Variants in FERMT2 observed in about 807,000 individuals in gnomAD.
The protein encoded by FERMT2 is fermitin family homolog 2.
A neutral mutation model predicts 82.7 loss-of-function variants in FERMT2; 15 were observed. That is an observed-to-expected ratio of 0.18 (90% confidence interval 0.12 to 0.28). The LOEUF (loss-of-function observed/expected upper bound fraction) is 0.28, where lower values mean the gene tolerates loss of function less well. FERMT2 is among the 10% of genes least tolerant of loss of function. The probability of loss-of-function intolerance (pLI) is 1.00; values close to 1 mark genes in which losing one functional copy is unlikely to be tolerated. For synonymous variants in FERMT2, 274 were observed against 271.5 expected (o/e 1.01, Z -0.09); for missense variants, 645 against 809.4 (o/e 0.80, Z 2.46).
rs779050016 is a variant in FERMT2, at chr14:52,858,427, C to T, written c.1993G>A (p.Glu665Lys). Reference sequence around the variant, plus strand: ...TAGAACATCTCTTCATCTAAACTCTCGTTTTGGTCTTTTGCACGTGTTGAG... The same window carrying T: ...TAGAACATCTCTTCATCTAAACTCTTGTTTTGGTCTTTTGCACGTGTTGAG... The part of the protein sequence containing the change: ...FLSTRAKDQN[E>K]SLDEEMFYKL... The change falls in exon 15 of 15, where the codon GAG becomes AAG. Residue 665 changes from glutamate (E) to lysine (K), a missense_variant. Transcript: ENST00000341590. 13 of 1,614,136 alleles carry T rather than the reference C, an allele frequency of 8.1e-6. No homozygotes were observed. The highest frequency in any genetic ancestry group is 2.2e-5 in the South Asian group (2 of 91,072).
intron 4 of FERMT2, among the ~76,000 whole-genome samples, chr14:52,887,701 T>C (rs373578936): frequency 1.3e-5 from 2 of 152,074 alleles, no homozygotes; most frequent in East Asian, 3.9e-4. Flanking sequence ...GTTAGAAGCA[T>C]GAGCACCGGA....
intron 2 of FERMT2, among the ~76,000 whole-genome samples, chr14:52,931,901 C>CGCCT (rs1332206209): frequency 1.3e-5 from 2 of 152,198 alleles, no homozygotes; most frequent in East Asian, 3.9e-4. Flanking sequence ...TGGTAGCACA[C>CGCCT]GCCTGTAGTC....
At chr14:52,893,021 G>A (rs890833945) in intron 4 of FERMT2, among the ~76,000 whole-genome samples, 11 of 151,982 alleles carry the variant, frequency 7.2e-5, no homozygotes, top group African/African-American at 2.2e-4. Context: ...TTTTTGAGAC[G>A]GAGTCTCACT....
intron 10 of FERMT2, among the ~76,000 whole-genome samples, chr14:52,865,578 A>G (rs1594927973): frequency 6.6e-6 from 1 of 152,182 alleles, no homozygotes; most frequent in East Asian, 1.9e-4. Context: ...ATTTAAGGAT[A>G]AATAAGATAA....
intron 3 of FERMT2, among the ~76,000 whole-genome samples, chr14:52,911,616 A>G (rs1182758684): frequency 6.6e-6 from 1 of 151,826 alleles, no homozygotes; most frequent in African/African-American, 2.4e-5. Flanking sequence ...GCGCCACTGC[A>G]GTCCAACCTG....
In FERMT2 at chr14:52,885,134, G is replaced by A. The variant is rs150900101; in HGVS notation, c.527-3665C>T. On this transcript the variant is annotated intron_variant, in intron 4 of 14. Transcript: ENST00000341590. Reference sequence around the variant, plus strand: ...TTGAGACCAGCCTAGCCAACATGGTGAAACCCCGTCTCTACTAAAAATACA... The same window carrying A: ...TTGAGACCAGCCTAGCCAACATGGTAAAACCCCGTCTCTACTAAAAATACA... Among the ~76,000 whole-genome samples the A allele has an allele frequency of 1.6e-3, 246 of 151,946 alleles. 1 individual carries two copies. Among genetic ancestry groups the A allele is most frequent in the Middle Eastern group, 3.4e-3 (1 of 292 alleles).
intron 3 of FERMT2, among the ~76,000 whole-genome samples, chr14:52,918,167 G>A (rs995664017): frequency 6.6e-6 from 1 of 152,176 alleles, no homozygotes; most frequent in Admixed American, 6.5e-5. Flanking sequence ...GTAATTGGAT[G>A]TAAATTAATA....
intron 3 of FERMT2, among the ~76,000 whole-genome samples, chr14:52,914,778 A>G (rs985009357): frequency 1.3e-5 from 2 of 151,606 alleles, no homozygotes; most frequent in Non-Finnish European, 2.9e-5. Context: ...AAATTAGCCA[A>G]GTATGATGGT....
rs181796019 is a variant in FERMT2 at position 52,888,888 on chromosome 14, G to A, written c.526+4405C>T. Among the ~76,000 whole-genome samples, 398 of 152,224 alleles carry A rather than the reference G, an allele frequency of 2.6e-3. 1 individual carries two copies. The highest frequency in any genetic ancestry group is 4.5e-3 in the Admixed American group (69 of 15,280). ...TTTTTTTTTTCTTTAAGGTAAACAA[G>A]GCTACAAAAATTAAGTAAAAGCTAG... On this transcript the variant is annotated intron_variant, in intron 4 of 14. Transcript: ENST00000341590.
At chr14:52,936,609 C>A (rs1889848516) in intron 2 of FERMT2, among the ~76,000 whole-genome samples, 1 of 152,208 alleles carries the variant, frequency 6.6e-6, no homozygotes, top group Non-Finnish European at 1.5e-5. Context: ...ACTGGCCACA[C>A]TCCCTTGCTC....
chr14:52,857,719 ATT>A lies in FERMT2; in HGVS notation c.*656_*657del. The A allele has an allele frequency of 6.5e-6, 1 of 152,766 alleles. No homozygotes were observed. Among genetic ancestry groups the A allele is most frequent in the East Asian group, 1.9e-4 (1 of 5,188 alleles). The allele number at this position is 152,766 out of a possible 1,614,324, so 9.5% of individuals were successfully genotyped here. On this transcript the variant is annotated 3_prime_UTR_variant, in exon 15 of 15. Transcript: ENST00000341590. ...CATATTGTAATGCAAAGAGTTGCAT[ATT>A]TTAGGCAGACAGTGATTATGCTGGT...
At chr14:52,922,647 T>C (rs1444936095) in intron 2 of FERMT2, among the ~76,000 whole-genome samples, 1 of 152,140 alleles carries the variant, frequency 6.6e-6, no homozygotes, top group African/African-American at 2.4e-5. Flanking sequence ...TGGACACTAA[T>C]AAAGAGGTAA....
intron 2 of FERMT2, among the ~76,000 whole-genome samples, chr14:52,932,537 T>C (rs1280044697): frequency 1.3e-5 from 2 of 152,126 alleles, no homozygotes; most frequent in African/African-American, 2.4e-5. Flanking sequence ...CATATACTAA[T>C]ATGCAAAATT....
At chr14:52,942,303 TTTC>T (rs1890125176) in intron 2 of FERMT2, among the ~76,000 whole-genome samples, 1 of 122,840 alleles carries the variant, frequency 8.1e-6, no homozygotes. Context: ...TGTTTTTCTT[TTTC>T]TTTTTTTTTT....
intron 13 of FERMT2, 130 bp downstream of exon 13, chr14:52,860,211 T>C (rs1884841790): frequency 1.5e-6 from 1 of 656,550 alleles, no homozygotes; most frequent in Admixed American, 3.4e-5. Context: ...TAACAGTCTT[T>C]GAATTCTATT....
intron 2 of FERMT2, among the ~76,000 whole-genome samples, chr14:52,930,589 T>C (rs979819043): frequency 2.0e-5 from 3 of 152,132 alleles, no homozygotes; most frequent in Admixed American, 1.3e-4. Context: ...GAATATCAAA[T>C]TGTAGGGCAC....
chr14:52,881,936 C>T, intron 4 of FERMT2: 4 of 435,648 alleles, frequency 9.2e-6, no homozygotes, highest in South Asian at 8.5e-5. Flanking sequence ...CAGATTTTCC[C>T]TAATTGTGAA....
intron 9 of FERMT2, among the ~76,000 whole-genome samples, chr14:52,873,220 TG>T (rs1452307885): frequency 6.6e-6 from 1 of 152,066 alleles, no homozygotes; most frequent in South Asian, 2.1e-4. Context: ...GCAGGTCACA[TG>T]GGAAGGGTAG....
At chr14:52,903,945 TA>T (rs1423399384) in intron 3 of FERMT2, among the ~76,000 whole-genome samples, 7 of 152,208 alleles carry the variant, frequency 4.6e-5, no homozygotes, top group Non-Finnish European at 2.9e-5. Context: ...AGATTGACTA[TA>T]ATCCAAAAAT....
Sources: allele counts gnomAD v4.1 joint callset (sites outside exome capture counted in the v4.1 genomes callset), GRCh38; gene constraint gnomAD v4.1.1; transcripts MANE v1.5; gene names NCBI Gene and HGNC (gene_info 2026-07-23, HGNC 2026-07-21).